Variants in NKIRAS1 observed in about 807,000 individuals in gnomAD.
NKIRAS1 encodes the protein NFKB inhibitor interacting Ras like 1.
In NKIRAS1, 16 loss-of-function variants were observed where a neutral mutation model predicts 19.8. The observed-to-expected ratio is 0.81, with a 90% CI of 0.55 to 1.23. The LOEUF is 1.23. Ranked by LOEUF, NKIRAS1 falls within the 50% of genes most tolerant of loss-of-function variation. The probability of loss-of-function intolerance (pLI) is 0.00; values close to 1 mark genes in which losing one functional copy is unlikely to be tolerated. For synonymous variants in NKIRAS1, 88 were observed against 79.0 expected, an observed-to-expected ratio of 1.11 and a Z score of -0.61; for missense variants, 184 against 220.0, an observed-to-expected ratio of 0.84 and a Z score of 1.04.
At chr3:23,907,252 C>T (rs1703161173) in intron 3 of NKIRAS1, among the ~76,000 whole-genome samples, 1 of 152,116 alleles carries the variant, frequency 6.6e-6, no homozygotes, top group Non-Finnish European at 1.5e-5. Flanking sequence ...TGTAAGAGTA[C>T]AGTATATAAT....
At chr3:23,920,852 C>T (rs142124915), upstream of NKIRAS1, 3 of 877,954 alleles carry the variant, frequency 3.4e-6, no homozygotes, top group Non-Finnish European at 2.7e-6. Flanking sequence ...AACAAATGGA[C>T]CTTCTGTTAT....
rs139982865 is a variant in NKIRAS1, at chr3:23,932,867, A to C, written c.-140+13456T>G. ...GCTGGGAGTCAACAACGTTAACATT[A>C]ATAGAATCACTCCATATGTATTTGT... On this transcript the variant is annotated intron_variant, in intron 1 of 4. Coordinates refer to the NKIRAS1 transcript ENST00000421515. 6.1e-4 allele frequency among the ~76,000 whole-genome samples: 93 copies of C among 152,272 alleles called. 1 individual carries two copies. The highest frequency in any genetic ancestry group is 2.2e-3 in the African/African-American group (91 of 41,538).
At chr3:23,919,755 G>C, upstream of NKIRAS1, 1 of 1,211,358 alleles carries the variant, frequency 8.3e-7, no homozygotes, top group South Asian at 3.2e-5. Context: ...ATACTGTGTG[G>C]TATAACAGGC....
rs1197422441 is a variant in NKIRAS1, at chr3:23,904,444, A to G, written c.95-3395T>C. Among the ~76,000 whole-genome samples, 4 of 152,272 alleles carry G rather than the reference A, an allele frequency of 2.6e-5. No individual in the cohort carries two copies. The East Asian group carries it at 7.7e-4, about 29-fold the overall frequency. On this transcript the variant is annotated intron_variant, in intron 3 of 4. Transcript: ENST00000425478. ...GGTGGGAGAGACAGAAGGGCAAGAG[A>G]GCACTCCCTTCAACCTCAAGCCCTT... is the stretch of plus-strand genomic sequence containing the variant.
chr3:23,906,724 A>G (rs542437714), intron 3 of NKIRAS1, among the ~76,000 whole-genome samples: 10 of 151,236 alleles, frequency 6.6e-5, no homozygotes, highest in Admixed American at 6.6e-4. Context: ...TGGCATCACT[A>G]TACTCCAGTC....
chr3:23,910,987 A>T (rs1703641621), intron 2 of NKIRAS1, 66 bp from the exon 3 acceptor site: 10 of 1,240,388 alleles, frequency 8.1e-6, no homozygotes, highest in Non-Finnish European at 8.2e-6. Context: ...TTTTTCTTTC[A>T]GTATTTCAAT....
chr3:23,942,390 T>C (rs1287972878), intron 1 of NKIRAS1, among the ~76,000 whole-genome samples: 1 of 152,172 alleles, frequency 6.6e-6, no homozygotes, highest in African/African-American at 2.4e-5. Context: ...GTTACCACTA[T>C]CGAACCTACA....
At position 23,946,056 on chromosome 3, in the gene NKIRAS1, G is replaced by T. The variant is rs1705687166; in HGVS notation, c.-140+267C>A. 3 of 974,780 alleles carry T rather than the reference G, an allele frequency of 3.1e-6. No homozygotes were observed. In the Admixed American group the frequency reaches 1.8e-4, roughly 60 times the overall value. 60.4% of individuals were successfully genotyped at this position (974,780 alleles called of 1,614,324 possible). On this transcript the variant is annotated intron_variant, in intron 1 of 4. Coordinates refer to the NKIRAS1 transcript ENST00000421515. ...GCGCGCGCGCGCGCGCTGGCTGGGA[G>T]CGCCGCAGCCTCCCGGGAGGCTCCG...
chr3:23,910,650 AC>A (rs1268995336), intron 3 of NKIRAS1, among the ~76,000 whole-genome samples, 160 bp downstream of exon 3: 1 of 152,068 alleles, frequency 6.6e-6, no homozygotes, highest in African/African-American at 2.4e-5. Context: ...TAACACTAAG[AC>A]TTTTTTCCCT....
chr3:23,913,618 G>A (rs1031614746), intron 1 of NKIRAS1, among the ~76,000 whole-genome samples: 8 of 152,118 alleles, frequency 5.3e-5, no homozygotes, highest in African/African-American at 1.4e-4. Context: ...ACAAATAAGT[G>A]GTTCTCATGC....
chr3:23,943,314 C>A (rs1705543164), intron 1 of NKIRAS1, among the ~76,000 whole-genome samples: 1 of 152,196 alleles, frequency 6.6e-6, no homozygotes, highest in Non-Finnish European at 1.5e-5. Flanking sequence ...CTCACCGCAA[C>A]TTCCGCCTTC....
chr3:23,942,351 C>G (rs1037006911), intron 1 of NKIRAS1, among the ~76,000 whole-genome samples: 6 of 152,214 alleles, frequency 3.9e-5, no homozygotes, highest in Non-Finnish European at 8.8e-5. Context: ...CTCCCACTAT[C>G]AAACATCCTG....
At chr3:23,896,397 CT>C (rs1238847170) in intron 4 of NKIRAS1, among the ~76,000 whole-genome samples, 1 of 151,572 alleles carries the variant, frequency 6.6e-6, no homozygotes, top group Non-Finnish European at 1.5e-5. Flanking sequence ...GGTGGATCAC[CT>C]GAGGTCAGTA....
upstream of NKIRAS1, chr3:23,921,557 C>T: frequency 1.5e-6 from 1 of 653,132 alleles, no homozygotes. Context: ...CACACAGCAA[C>T]ATTGATTATT....
intron 1 of NKIRAS1, among the ~76,000 whole-genome samples, chr3:23,912,801 T>C (rs1003975006): frequency 1.3e-5 from 2 of 152,130 alleles, no homozygotes; most frequent in Non-Finnish European, 2.9e-5. Flanking sequence ...CAAATGTCCA[T>C]CAATGATAGA....
upstream of NKIRAS1, chr3:23,920,821 A>G: frequency 1.1e-6 from 1 of 930,972 alleles, no homozygotes; most frequent in Non-Finnish European, 1.3e-6. Flanking sequence ...CAACTGAAGG[A>G]ATAAATGTCT....
At chr3:23,943,518 C>A (rs1478446464) in intron 1 of NKIRAS1, among the ~76,000 whole-genome samples, 1 of 152,146 alleles carries the variant, frequency 6.6e-6, no homozygotes, top group Non-Finnish European at 1.5e-5. Context: ...GGCGTCAGCC[C>A]CCGCGCCCAG....
upstream of NKIRAS1, chr3:23,920,852 C>A (rs142124915): frequency 4.8e-5 from 42 of 877,954 alleles, no homozygotes; most frequent in East Asian, 3.5e-3. Context: ...AACAAATGGA[C>A]CTTCTGTTAT....
At chr3:23,918,093 CT>C (rs1307332638), upstream of NKIRAS1, 2 of 1,560,466 alleles carry the variant, frequency 1.3e-6, no homozygotes, top group Non-Finnish European at 1.7e-6. Context: ...TGGAAACCAG[CT>C]GTTAGGAAGA....
Sources: allele counts gnomAD v4.1 joint callset (sites outside exome capture counted in the v4.1 genomes callset), GRCh38; gene constraint gnomAD v4.1.1; transcripts MANE v1.5; gene names NCBI Gene and HGNC (gene_info 2026-07-23, HGNC 2026-07-21).